EIF4G3: variants seen among roughly 807,000 people sequenced by gnomAD.
EIF4G3 encodes the protein eIF-4-gamma 3.
In EIF4G3, 34 loss-of-function variants were observed where a neutral mutation model predicts 186.4. That is an observed-to-expected ratio of 0.18 (90% CI 0.14 to 0.24). EIF4G3 has a LOEUF of 0.24. Among genes scored for constraint, EIF4G3 ranks in the 10% least tolerant of loss-of-function variants. The pLI, the probability that EIF4G3 is intolerant of heterozygous loss-of-function variation, is 1.00. For missense variants in EIF4G3, 1,536 were observed against 1,948.5 expected, an observed-to-expected ratio of 0.79 and a Z score of 3.99; for synonymous variants, 673 against 679.5, an observed-to-expected ratio of 0.99 and a Z score of 0.15.
intron 14 of EIF4G3, 63 bp downstream of exon 14, chr1:20,941,428 T>C: frequency 6.2e-7 from 1 of 1,610,430 alleles, no homozygotes; most frequent in Non-Finnish European, 8.5e-7. Flanking sequence ...AATTAAAAAA[T>C]AACTCAAACA....
At chr1:21,072,677 C>A (rs1042423956) in intron 3 of EIF4G3, among the ~76,000 whole-genome samples, 1 of 152,202 alleles carries the variant, frequency 6.6e-6, no homozygotes, top group Non-Finnish European at 1.5e-5. Context: ...GCTGGGATTA[C>A]AGGCGTGAGC....
intron 26 of EIF4G3, among the ~76,000 whole-genome samples, chr1:20,853,951 A>T (rs549762122): frequency 6.6e-6 from 1 of 152,218 alleles, no homozygotes; most frequent in Non-Finnish European, 1.5e-5. Context: ...GGAGGAAGGC[A>T]AGCGAAAACA....
At chr1:20,964,808 A>T (rs1470901633) in intron 12 of EIF4G3, among the ~76,000 whole-genome samples, 1 of 152,118 alleles carries the variant, frequency 6.6e-6, no homozygotes, top group Non-Finnish European at 1.5e-5. Flanking sequence ...CCATGATAAA[A>T]CCTAATGGTT....
At chr1:21,014,463 C>G (rs978270523) in intron 4 of EIF4G3, among the ~76,000 whole-genome samples, 1 of 152,040 alleles carries the variant, frequency 6.6e-6, no homozygotes, top group Non-Finnish European at 1.5e-5. Flanking sequence ...TTGATTCTCA[C>G]CCTCCTCCCA....
At chr1:21,158,740 TAC>T (rs10541581) in intron 2 of EIF4G3, among the ~76,000 whole-genome samples, 50,573 of 151,670 alleles carry the variant, frequency 0.33, 9,154 homozygotes, top group Non-Finnish European at 0.41. Context: ...TACATATACA[TAC>T]ACACACACAC....
At chr1:20,930,545 C>G (rs918573221) in intron 14 of EIF4G3, among the ~76,000 whole-genome samples, 3 of 152,108 alleles carry the variant, frequency 2.0e-5, no homozygotes, top group Non-Finnish European at 4.4e-5. Flanking sequence ...GTAACTGAGT[C>G]ACATTTTCAG....
At chr1:21,059,277 G>C (rs2094752974) in intron 3 of EIF4G3, among the ~76,000 whole-genome samples, 1 of 152,012 alleles carries the variant, frequency 6.6e-6, no homozygotes, top group African/African-American at 2.4e-5. Context: ...AGATCCCAAA[G>C]CTTTTCTTAT....
At chr1:21,068,646 C>T (rs999289606) in intron 3 of EIF4G3, among the ~76,000 whole-genome samples, 3 of 152,132 alleles carry the variant, frequency 2.0e-5, no homozygotes, top group Non-Finnish European at 4.4e-5. Context: ...GATACGTCAC[C>T]TCTGTGTCTA....
chr1:21,057,286 A>G (rs1313145578), intron 3 of EIF4G3, among the ~76,000 whole-genome samples: 2 of 152,230 alleles, frequency 1.3e-5, no homozygotes, highest in Non-Finnish European at 2.9e-5. Context: ...GAATTGATCA[A>G]TAATGAAATT....
At chr1:21,107,860 A>G (rs1351303709) in intron 2 of EIF4G3, among the ~76,000 whole-genome samples, 1 of 152,200 alleles carries the variant, frequency 6.6e-6, no homozygotes, top group Non-Finnish European at 1.5e-5. Flanking sequence ...AGTTATAACA[A>G]TTCTTTTTTG....
intron 27 of EIF4G3, among the ~76,000 whole-genome samples, chr1:20,852,925 A>T (rs2073808799): frequency 6.6e-6 from 1 of 152,198 alleles, no homozygotes; most frequent in Non-Finnish European, 1.5e-5. Flanking sequence ...GCTTGAGACC[A>T]GGAGTTCAAT....
At chr1:20,876,440 A>G (rs1209859141) in intron 20 of EIF4G3, among the ~76,000 whole-genome samples, 1 of 147,562 alleles carries the variant, frequency 6.8e-6, no homozygotes, top group Non-Finnish European at 1.5e-5. Flanking sequence ...AACATTTATT[A>G]AGTAAAAAAA....
intron 7 of EIF4G3, among the ~76,000 whole-genome samples, chr1:20,996,585 T>C (rs903469259): frequency 6.6e-6 from 1 of 152,162 alleles, no homozygotes; most frequent in African/African-American, 2.4e-5. Flanking sequence ...TACTCAGTAA[T>C]AAGAATTGTA....
intron 2 of EIF4G3, chr1:21,111,639 GAGAT>G (rs2096728926): frequency 3.9e-6 from 1 of 254,790 alleles, no homozygotes. Flanking sequence ...GGGAGCATGT[GAGAT>G]AGATATATAC....
In EIF4G3 at chr1:20,914,010, G is replaced by A. The variant is rs569095121; in HGVS notation, c.1664-9039C>T. On this transcript the variant is annotated intron_variant, in intron 14 of 36. Transcript: ENST00000602326. ...TTTTTAGTAGAGACGGGGTTTCACC[G>A]TGTTAGCCAGGATGGTCTCGATCTC... 1.2e-4 allele frequency among the ~76,000 whole-genome samples: 18 copies of A among 151,516 alleles called. No individual in the cohort carries two copies. The East Asian group carries it at 2.7e-3, about 23-fold the overall frequency.
At chr1:20,944,230 T>C (rs929042637) in intron 13 of EIF4G3, among the ~76,000 whole-genome samples, 27 of 151,942 alleles carry the variant, frequency 1.8e-4, no homozygotes, top group African/African-American at 6.0e-4. Flanking sequence ...AATTTAAAAA[T>C]AGGGCAGGGT....
At chr1:21,057,932 G>A (rs931120933) in intron 3 of EIF4G3, among the ~76,000 whole-genome samples, 4 of 152,134 alleles carry the variant, frequency 2.6e-5, no homozygotes, top group African/African-American at 9.7e-5. Flanking sequence ...ATATTTGGTG[G>A]TTGGTGACCA....
intron 11 of EIF4G3, among the ~76,000 whole-genome samples, chr1:20,971,002 C>G (rs1309195719): frequency 6.6e-6 from 1 of 152,100 alleles, no homozygotes; most frequent in Non-Finnish European, 1.5e-5. Flanking sequence ...TGAACTGACA[C>G]AGAATAATCA....
At chr1:21,017,987 G>A (rs1463522248) in intron 4 of EIF4G3, among the ~76,000 whole-genome samples, 1 of 151,972 alleles carries the variant, frequency 6.6e-6, no homozygotes, top group African/African-American at 2.4e-5. Flanking sequence ...TACCCAGGCT[G>A]GAGTGCAGTG....
Sources: allele counts gnomAD v4.1 joint callset (sites outside exome capture counted in the v4.1 genomes callset), GRCh38; gene constraint gnomAD v4.1.1; transcripts MANE v1.5; gene names NCBI Gene and HGNC (gene_info 2026-07-23, HGNC 2026-07-21).